The following TTC6 variants were observed in gnomAD, a reference collection of about 807,000 sequenced individuals.
TTC6 encodes tetratricopeptide repeat protein 6.
A neutral mutation model predicts 210.4 loss-of-function variants in TTC6; 172 were observed. The observed-to-expected ratio is 0.82, with a 90% CI of 0.72 to 0.93. The LOEUF (loss-of-function observed/expected upper bound fraction) is 0.93, where lower values mean the gene tolerates loss of function less well. TTC6 is among the 40% of genes least tolerant of loss of function. The pLI, the probability that TTC6 is intolerant of heterozygous loss-of-function variation, is 0.00. For synonymous variants in TTC6, 804 were observed against 819.6 expected, an observed-to-expected ratio of 0.98 and a Z score of 0.32; for missense variants, 2,414 against 2,318.1, an observed-to-expected ratio of 1.04 and a Z score of -0.85.
intron 1 of TTC6, among the ~76,000 whole-genome samples, chr14:37,679,631 ATATT>A (rs2095778614): frequency 6.6e-6 from 1 of 152,128 alleles, no homozygotes; most frequent in African/African-American, 2.4e-5. Context: ...ATCTAAAAAT[ATATT>A]TATAGAGATC....
At chr14:37,704,212 C>T (rs1337709076) in intron 5 of TTC6, among the ~76,000 whole-genome samples, 1 of 152,036 alleles carries the variant, frequency 6.6e-6, no homozygotes, top group East Asian at 1.9e-4. Context: ...CTGAGTAGCA[C>T]TAGGCTAATT....
intron 7 of TTC6, 81 bp downstream of exon 9, chr14:37,725,083 A>G (rs2138832612): frequency 1.3e-6 from 1 of 743,870 alleles, no homozygotes. Flanking sequence ...TATGACATTC[A>G]ATTTTACTGG....
At chr14:37,633,895 A>G (rs896699728) in intron 1 of TTC6, among the ~76,000 whole-genome samples, 6 of 152,194 alleles carry the variant, frequency 3.9e-5, no homozygotes, top group Admixed American at 6.5e-5. Flanking sequence ...GTGCCAGTAA[A>G]GGCTGAGTGG....
intron 6 of TTC6, among the ~76,000 whole-genome samples, chr14:37,723,996 TC>T (rs1011393984): frequency 6.6e-6 from 1 of 151,900 alleles, no homozygotes; most frequent in Non-Finnish European, 1.5e-5. Flanking sequence ...CAATTCCAGA[TC>T]ATACAGAAGA....
intron 1 of TTC6, among the ~76,000 whole-genome samples, chr14:37,675,895 A>G (rs1485309501): frequency 6.6e-6 from 1 of 151,952 alleles, no homozygotes; most frequent in Non-Finnish European, 1.5e-5. Flanking sequence ...AATGTCAAAA[A>G]TACTTTGCCC....
chr14:37,794,979 C>T (rs889755377), intron 17 of TTC6, among the ~76,000 whole-genome samples: 1 of 151,808 alleles, frequency 6.6e-6, no homozygotes, highest in Non-Finnish European at 1.5e-5. Context: ...AACACAAACA[C>T]GTACACAATC....
intron 6 of TTC6, among the ~76,000 whole-genome samples, chr14:37,721,847 C>CATATATATGTATAT (rs2095862275): frequency 8.5e-6 from 1 of 117,266 alleles, no homozygotes; most frequent in Non-Finnish European, 1.8e-5. Context: ...TGAGTTTCAC[C>CATATATATGTATAT]ATATATATAT....
chr14:37,838,745 A>G (rs1186718029), intron 29 of TTC6, among the ~76,000 whole-genome samples: 1 of 152,084 alleles, frequency 6.6e-6, no homozygotes, highest in Non-Finnish European at 1.5e-5. Flanking sequence ...GGTTTGTTAC[A>G]TAGGTGTAAA....
chr14:37,761,107 A>G (rs2095983115), intron 14 of TTC6, among the ~76,000 whole-genome samples: 1 of 152,006 alleles, frequency 6.6e-6, no homozygotes, highest in African/African-American at 2.4e-5. Context: ...CCAAACAGCC[A>G]CCCAGTTTTG....
chr14:37,615,795 T>G (rs2139270849), intron 2 of TTC6, among the ~76,000 whole-genome samples: 1 of 152,348 alleles, frequency 6.6e-6, no homozygotes, highest in South Asian at 2.1e-4. Flanking sequence ...CATATTTTCC[T>G]TTACTTGATT....
chr14:37,682,965 G>T lies in TTC6; in HGVS notation c.1257+1G>T. On this transcript the variant is annotated splice_donor_variant, in intron 3 of 30. Coordinates refer to ENST00000553443, the Ensembl canonical transcript of TTC6. LOFTEE classifies it high-confidence loss of function. ...AGAAGCCAAGTGGGTGTCTTTAACG[G>T]TAAGAAACTATTTATGTTGGAAACA... The T allele has an allele frequency of 6.5e-7, 1 of 1,534,466 alleles. No homozygotes were observed. Among genetic ancestry groups the T allele is most frequent in the South Asian group, 1.2e-5 (1 of 84,022 alleles).
At chr14:37,811,072 G>A (rs2096128514) in intron 24 of TTC6, among the ~76,000 whole-genome samples, 1 of 152,134 alleles carries the variant, frequency 6.6e-6, no homozygotes, top group Non-Finnish European at 1.5e-5. Flanking sequence ...GAGAGGCCAA[G>A]GCCCTGACCC....
intron 26 of TTC6, among the ~76,000 whole-genome samples, chr14:37,820,151 A>G (rs967452264): frequency 3.9e-5 from 6 of 152,240 alleles, no homozygotes; most frequent in Non-Finnish European, 5.9e-5. Flanking sequence ...ATATTCAGAG[A>G]TGAAATTACT....
chr14:37,775,370 A>G (rs989699340), intron 14 of TTC6, among the ~76,000 whole-genome samples: 4 of 152,202 alleles, frequency 2.6e-5, no homozygotes, highest in African/African-American at 7.2e-5. Context: ...ATTTAGTGCT[A>G]TAAACTTTCC....
At chr14:37,698,419 A>T (rs1200534571) in intron 4 of TTC6, among the ~76,000 whole-genome samples, 2 of 152,176 alleles carry the variant, frequency 1.3e-5, no homozygotes, top group Admixed American at 1.3e-4. Context: ...GTAATCTCAA[A>T]CACATTCCAC....
At chr14:37,734,350 A>AT (rs780739516) in intron 7 of TTC6, among the ~76,000 whole-genome samples, 7 of 152,086 alleles carry the variant, frequency 4.6e-5, no homozygotes, top group Admixed American at 2.0e-4. Flanking sequence ...CTGGGCTTAG[A>AT]TTTTTTGTCA....
chr14:37,616,559 T>C (rs148277293), intron 2 of TTC6, among the ~76,000 whole-genome samples: 3 of 152,240 alleles, frequency 2.0e-5, no homozygotes, highest in African/African-American at 7.2e-5. Flanking sequence ...TAGCCAGGCA[T>C]GGTGGCGGGT....
chr14:37,760,476 G>A (rs902412353), intron 14 of TTC6, among the ~76,000 whole-genome samples: 1 of 152,208 alleles, frequency 6.6e-6, no homozygotes, highest in Non-Finnish European at 1.5e-5. Context: ...AGGCACAGGG[G>A]TCAGGGACCC....
intron 1 of TTC6, among the ~76,000 whole-genome samples, chr14:37,599,553 C>T (rs1455633537): frequency 6.6e-6 from 1 of 152,176 alleles, no homozygotes; most frequent in Admixed American, 6.5e-5. Flanking sequence ...TGAGCGCCGC[C>T]GGGTTTCTGA....
Sources: allele counts gnomAD v4.1 joint callset (sites outside exome capture counted in the v4.1 genomes callset), GRCh38; gene constraint gnomAD v4.1.1; transcripts MANE v1.5; gene names NCBI Gene and HGNC (gene_info 2026-07-23, HGNC 2026-07-21).